PVR: variants seen among roughly 807,000 people sequenced by gnomAD.
PVR encodes PVR cell adhesion molecule, also known as poliovirus receptor.
A neutral mutation model predicts 43.3 loss-of-function variants in PVR; 39 were observed. The ratio of observed to expected loss-of-function variants is 0.90; its 90% CI spans 0.70 to 1.18. PVR has a LOEUF of 1.18. Ranked by LOEUF, PVR falls within the 50% of genes most tolerant of loss-of-function variation. The pLI is 0.00. For missense variants in PVR, 480 were observed against 549.7 expected (o/e 0.87, Z 1.27); for synonymous variants, 224 against 233.2 (o/e 0.96, Z 0.36).
In PVR at chr19:44,647,285, C is replaced by T; in HGVS notation, c.142C>T (p.Pro48Ser). 1 of 1,581,898 alleles carries T rather than the reference C, an allele frequency of 6.3e-7. No individual in the cohort carries two copies. The highest frequency in any genetic ancestry group is 1.2e-5 in the South Asian group (1 of 86,850). ...PGFLGDSVTL[P>S]CYLQVPNMEV... ...CTTCTTGGGCGACTCCGTGACGCTGCCCTGCTACCTACAGGTGCCCAACAT... is the reference window on the plus strand; with the variant it reads ...CTTCTTGGGCGACTCCGTGACGCTGTCCTGCTACCTACAGGTGCCCAACAT... Residue 48 changes from proline (P) to serine (S), a missense_variant, in exon 2 of 8, where the codon CCC (proline) becomes TCC (serine). Pro to Ser is a moderately conservative substitution (Grantham distance 74). Coordinates refer to ENST00000425690, the MANE Select transcript of PVR (RefSeq NM_006505.5).
rs1439132811 is a variant in PVR, at chr19:44,647,327, T to C, written c.184T>C (p.Ser62Pro). 3.7e-6 allele frequency: 6 copies of C among 1,612,116 alleles called. No homozygotes were observed. The highest frequency in any genetic ancestry group is 3.3e-4 in the Middle Eastern group (2 of 6,060). Residue 62 changes from serine to proline, a missense_variant, in exon 2 of 8, where the codon TCA (serine) becomes CCA (proline). Ser to Pro is a moderately conservative substitution (Grantham distance 74, BLOSUM62 -1). Transcript: ENST00000425690. ...QVPNMEVTHV[S>P]QLTWARHGES... ...GCCCAACATGGAGGTGACGCATGTG[T>C]CACAGCTGACTTGGGCGCGGCATGG...
chr19:44,648,309 A>G (rs1973187358), intron 2 of PVR, among the ~76,000 whole-genome samples: 1 of 152,132 alleles, frequency 6.6e-6, no homozygotes, highest in South Asian at 2.1e-4. Flanking sequence ...AGAAGGAGAA[A>G]GTTGAAACAG....
chr19:44,663,767 A>T lies in PVR; in HGVS notation c.*1956A>T, dbSNP rs963619665. Reference sequence around the variant, plus strand: ...CTTTTTTTTTTTCCTCTCCAAAAAAAATGTTTAAGGGACGGTGTCTCCTGT... The same window carrying T: ...CTTTTTTTTTTTCCTCTCCAAAAAATATGTTTAAGGGACGGTGTCTCCTGT... On this transcript the variant is annotated 3_prime_UTR_variant, in exon 8 of 8. Transcript: ENST00000425690. Among the ~76,000 whole-genome samples, 21 of 152,036 alleles carry T rather than the reference A, an allele frequency of 1.4e-4. No homozygotes were observed. The highest frequency in any genetic ancestry group is 2.9e-4 in the Non-Finnish European group (20 of 68,004).
At chr19:44,659,615 G>A (rs1308116927) in intron 6 of PVR, among the ~76,000 whole-genome samples, 2 of 151,872 alleles carry the variant, frequency 1.3e-5, no homozygotes, top group East Asian at 1.9e-4. Flanking sequence ...CCCAAGGAGC[G>A]GGGATTACAG....
intron 6 of PVR, among the ~76,000 whole-genome samples, chr19:44,659,831 G>A (rs1309283438): frequency 2.0e-5 from 3 of 152,156 alleles, no homozygotes; most frequent in Admixed American, 6.6e-5. Flanking sequence ...TGGTTCTCCC[G>A]TGAGCCCCAT....
intron 4 of PVR, among the ~76,000 whole-genome samples, chr19:44,655,665 C>T (rs149759393): frequency 6.6e-6 from 1 of 152,220 alleles, no homozygotes; most frequent in African/African-American, 2.4e-5. Flanking sequence ...CTCCATTTTC[C>T]CCCACGTTGT....
At position 44,653,994 on chromosome 19, in the gene PVR, GC is replaced by G; in HGVS notation, c.822del (p.Thr275GlnfsTer24). On this transcript the variant is annotated frameshift_variant, in exon 4 of 8. Transcript: ENST00000425690. LOFTEE classifies it high-confidence loss of function. ...LTCDARSNPE[P>X]TGYNWSTTMG... Reference sequence around the variant, plus strand: ...CCTGCGATGCTCGCAGCAACCCAGAGCCCACAGGCTATAATTGGAGCACGTG... The same window carrying G: ...CCTGCGATGCTCGCAGCAACCCAGAGCCACAGGCTATAATTGGAGCACGTG... The G allele has an allele frequency of 6.2e-7, 1 of 1,613,932 alleles. No homozygotes were observed. The highest frequency in any genetic ancestry group is 1.3e-5 in the African/African-American group (1 of 75,050).
At chr19:44,648,484 A>C (rs115415030) in intron 2 of PVR, among the ~76,000 whole-genome samples, 174 of 145,900 alleles carry the variant, frequency 1.2e-3, no homozygotes, top group African/African-American at 4.2e-3. Flanking sequence ...AAAAAAACTG[A>C]CCCTTTTTTT....
chr19:44,647,185 CG>C lies in PVR; in HGVS notation c.80-37del, dbSNP rs781181309. On this transcript the variant is annotated intron_variant, in intron 1 of 7. Coordinates refer to ENST00000425690, the MANE Select transcript of PVR (RefSeq NM_006505.5). ...AGCCCCTCCCTATCTAGTCCAAGAA[CG>C]CCCCGGGTCTGACACCTTCTCTTCG... 360 of 1,433,740 alleles carry C rather than the reference CG, an allele frequency of 2.5e-4. No homozygotes were observed. The African/African-American group carries it at 4.5e-3, about 18-fold the overall frequency. The allele number at this position is 1,433,740 out of a possible 1,614,324, so 88.8% of individuals were successfully genotyped here.
intron 4 of PVR, among the ~76,000 whole-genome samples, chr19:44,656,509 A>G (rs1001506756): frequency 2.0e-5 from 3 of 152,190 alleles, no homozygotes; most frequent in Non-Finnish European, 4.4e-5. Context: ...TTCCTTGACT[A>G]CTTACTGTGT....
Position 44,653,849 on chromosome 19 carries a change from A to G in PVR, c.725-51A>G, listed in dbSNP as rs770392864. ...AGTGTCGTGAATCCCGCGTAGCCCC[A>G]GGCCCCCCAAAGCCTCCCAGTCTCT... On this transcript the variant is annotated intron_variant, in intron 3 of 7. Coordinates refer to ENST00000425690, the MANE Select transcript of PVR (RefSeq NM_006505.5). 3.1e-6 allele frequency: 4 copies of G among 1,288,330 alleles called. No homozygotes were observed. In the South Asian group the frequency reaches 3.6e-5, roughly 11 times the overall value. 79.8% of individuals were successfully genotyped at this position (1,288,330 alleles called of 1,614,324 possible).
chr19:44,647,333 C>A lies in PVR; in HGVS notation c.190C>A (p.Leu64Met). The stretch of plus-strand genomic sequence containing the variant: ...CATGGAGGTGACGCATGTGTCACAG[C>A]TGACTTGGGCGCGGCATGGTGAATC... ...PNMEVTHVSQ[L>M]TWARHGESGS... Residue 64 changes from leucine (L) to methionine (M), a missense_variant, in exon 2 of 8, where the codon CTG becomes ATG. Physicochemically the swap from Leu to Met is conservative, Grantham distance 15 (BLOSUM62 2). Coordinates refer to ENST00000425690, the MANE Select transcript of PVR (RefSeq NM_006505.5). 6.2e-7 allele frequency: 1 copy of A among 1,612,806 alleles called. No individual in the cohort carries two copies. The highest frequency in any genetic ancestry group is 8.5e-7 in the Non-Finnish European group (1 of 1,179,498).
chr19:44,661,176 C>T, intron 6 of PVR, 116 bp from the exon 7 acceptor site: 2 of 921,312 alleles, frequency 2.2e-6, no homozygotes, highest in Middle Eastern at 4.2e-4. Flanking sequence ...ATGGCACCCC[C>T]ATGTAATAGC....
In PVR at chr19:44,662,576, C is replaced by A. The variant is rs898308329; in HGVS notation, c.*765C>A. The stretch of plus-strand genomic sequence containing the variant: ...CTGACCTCATACATCAAGCCAATAC[C>A]GTGTGGCCCAAGACCCCCACCATAA... On this transcript the variant is annotated 3_prime_UTR_variant, in exon 8 of 8. Coordinates refer to ENST00000425690, the MANE Select transcript of PVR (RefSeq NM_006505.5). 6.6e-6 allele frequency: 1 copy of A among 152,248 alleles called. No individual in the cohort carries two copies. The highest frequency in any genetic ancestry group is 2.4e-5 in the African/African-American group (1 of 41,410). 9.4% of individuals were successfully genotyped at this position (152,248 alleles called of 1,614,324 possible).
chr19:44,649,840 G>A lies in PVR; in HGVS notation c.459G>A (p.Lys153=). 6.2e-7 allele frequency: 1 copy of A among 1,614,084 alleles called. No individual in the cohort carries two copies. Among genetic ancestry groups the A allele is most frequent in the South Asian group, 1.1e-5 (1 of 91,050 alleles). ...CCCAGAACACAGCTGAGGTTCAGAA[G>A]GTCCAGCTCACTGGAGAGCCAGTGC... ...AKPQNTAEVQ[K]VQLTGEPVPM... The change falls in exon 3 of 8, where the codon AAG becomes AAA. Residue 153 remains lysine (K), a synonymous_variant. Transcript: ENST00000425690.
intron 4 of PVR, among the ~76,000 whole-genome samples, chr19:44,654,805 C>G (rs1272040040): frequency 6.6e-6 from 1 of 152,140 alleles, no homozygotes; most frequent in Non-Finnish European, 1.5e-5. Context: ...TGGCCCAGGA[C>G]AGTTCTTCTT....
rs1236665948 is a variant in PVR, at chr19:44,661,338, G to A, written c.1182+15G>A. ...CAGCTAATGGGGTAAGTGCAGTGTTGGAGCTAAGGAGGGTGTGGGGTCTGC... is the reference window on the plus strand; with the variant it reads ...CAGCTAATGGGGTAAGTGCAGTGTTAGAGCTAAGGAGGGTGTGGGGTCTGC... On this transcript the variant is annotated intron_variant, in intron 7 of 7. Coordinates refer to ENST00000425690, the MANE Select transcript of PVR (RefSeq NM_006505.5). 1 of 1,613,280 alleles carries A rather than the reference G, an allele frequency of 6.2e-7. No homozygotes were observed. Among genetic ancestry groups the A allele is most frequent in the South Asian group, 1.1e-5 (1 of 91,076 alleles).
At chr19:44,659,899 A>T (rs1485777353) in intron 6 of PVR, among the ~76,000 whole-genome samples, 1 of 152,242 alleles carries the variant, frequency 6.6e-6, no homozygotes. Flanking sequence ...ATGGTCAAAC[A>T]GCTGGACATG....
At chr19:44,646,649 G>A (rs1183518397) in intron 1 of PVR, among the ~76,000 whole-genome samples, 1 of 152,170 alleles carries the variant, frequency 6.6e-6, no homozygotes, top group Non-Finnish European at 1.5e-5. Flanking sequence ...GTGGGAGCCT[G>A]TCATCCCAGC....
Sources: gnomAD v4.1 joint callset for allele counts (sites outside exome capture counted in the v4.1 genomes callset) on GRCh38, gnomAD v4.1.1 for gene constraint, MANE v1.5 for transcripts, NCBI Gene and HGNC (gene_info 2026-07-23, HGNC 2026-07-21) for gene names.